The following TTC23 variants were observed in gnomAD, a reference collection of about 807,000 sequenced individuals.
The protein encoded by TTC23 is tetratricopeptide repeat domain 23.
In TTC23, 58 loss-of-function variants were observed where a neutral mutation model predicts 55.1. The ratio of observed to expected loss-of-function variants is 1.05; its 90% confidence interval spans 0.85 to 1.31. TTC23 has a LOEUF of 1.31. TTC23 is among the 50% of genes most tolerant of loss of function. TTC23 has a pLI of 0.00. For missense variants in TTC23, 516 were observed against 534.4 expected (o/e 0.97, Z 0.34); for synonymous variants, 203 against 199.9 (o/e 1.02, Z -0.13).
intron 9 of TTC23, among the ~76,000 whole-genome samples, chr15:99,193,077 C>G (rs1415035068): frequency 6.6e-6 from 1 of 152,226 alleles, no homozygotes; most frequent in Non-Finnish European, 1.5e-5. Context: ...TACCTAATAC[C>G]TGTACCCACT....
At chr15:99,190,456 A>G (rs1296298895) in intron 9 of TTC23, among the ~76,000 whole-genome samples, 2 of 152,038 alleles carry the variant, frequency 1.3e-5, no homozygotes, top group Non-Finnish European at 2.9e-5. Flanking sequence ...TGTTCTTATA[A>G]AACATACACT....
intron 5 of TTC23, among the ~76,000 whole-genome samples, chr15:99,224,030 C>G (rs986527340): frequency 8.5e-5 from 13 of 152,212 alleles, no homozygotes; most frequent in African/African-American, 1.9e-4. Flanking sequence ...GCTTGCATTT[C>G]CACACAATTC....
At chr15:99,203,929 A>G (rs1404605158) in intron 8 of TTC23, among the ~76,000 whole-genome samples, 2 of 152,098 alleles carry the variant, frequency 1.3e-5, no homozygotes, top group Non-Finnish European at 2.9e-5. Flanking sequence ...TAGGTTGGCC[A>G]TTGTGAATAG....
chr15:99,155,807 A>T, intron 12 of TTC23: 1 of 347,240 alleles, frequency 2.9e-6, no homozygotes, highest in South Asian at 1.1e-4. Context: ...AAATTTAAAG[A>T]AGAATGACAA....
intron 10 of TTC23, among the ~76,000 whole-genome samples, chr15:99,168,139 G>C (rs1417976977): frequency 6.6e-6 from 1 of 152,220 alleles, no homozygotes; most frequent in African/African-American, 2.4e-5. Context: ...CAGTGCCATA[G>C]ACAGGGGCCT....
At chr15:99,172,479 T>C (rs1000705008) in intron 10 of TTC23, among the ~76,000 whole-genome samples, 2 of 152,198 alleles carry the variant, frequency 1.3e-5, no homozygotes, top group African/African-American at 4.8e-5. Context: ...ACAGATTCTT[T>C]TGGTGGGCCT....
At chr15:99,175,722 C>T (rs1231585638) in intron 9 of TTC23, among the ~76,000 whole-genome samples, 2 of 152,214 alleles carry the variant, frequency 1.3e-5, no homozygotes, top group Non-Finnish European at 2.9e-5. Context: ...TGCCCAGGCG[C>T]GGTGGCTCAT....
At chr15:99,181,696 G>C (rs1222036719) in intron 9 of TTC23, among the ~76,000 whole-genome samples, 2 of 152,128 alleles carry the variant, frequency 1.3e-5, no homozygotes, top group Admixed American at 1.3e-4. Context: ...TCCCATCTCT[G>C]CCCAGCAGGG....
At chr15:99,138,305 C>A (rs1411664991) in intron 13 of TTC23, among the ~76,000 whole-genome samples, 178 bp from the exon 14 acceptor site, 2 of 151,906 alleles carry the variant, frequency 1.3e-5, no homozygotes, top group African/African-American at 4.8e-5. Flanking sequence ...TTCCTCCCAT[C>A]TTTTATTTTT....
chr15:99,156,024 G>A (rs991636505), intron 12 of TTC23, 124 bp downstream of exon 12: 2 of 1,329,292 alleles, frequency 1.5e-6, no homozygotes, highest in Non-Finnish European at 2.1e-6. Context: ...CAAAAGTGAT[G>A]TCATCCTATC....
chr15:99,219,545 C>T (rs2077741279), intron 6 of TTC23, among the ~76,000 whole-genome samples: 1 of 152,064 alleles, frequency 6.6e-6, no homozygotes, highest in African/African-American at 2.4e-5. Context: ...CAAAAACTTA[C>T]AAACACAATT....
chr15:99,250,352 TTTATTTAATA>T (rs1359355069), upstream of TTC23, among the ~76,000 whole-genome samples: 2 of 152,234 alleles, frequency 1.3e-5, no homozygotes, highest in African/African-American at 4.8e-5. Context: ...ACCAATGTTT[TTTATTTAATA>T]TAACTCTGCT....
chr15:99,247,593 G>T (rs930420915), intron 1 of TTC23, among the ~76,000 whole-genome samples: 4 of 152,126 alleles, frequency 2.6e-5, no homozygotes, highest in Non-Finnish European at 5.9e-5. Context: ...CTAAGTAAAA[G>T]AAACTAGATG....
intron 12 of TTC23, among the ~76,000 whole-genome samples, chr15:99,148,975 T>G (rs2069335907): frequency 6.6e-6 from 1 of 152,198 alleles, no homozygotes; most frequent in African/African-American, 2.4e-5. Context: ...GACCATTCAG[T>G]GCAGGAGGGT....
At chr15:99,230,011 T>G (rs2078804305) in intron 4 of TTC23, among the ~76,000 whole-genome samples, 4 of 152,084 alleles carry the variant, frequency 2.6e-5, no homozygotes, top group South Asian at 4.1e-4. Context: ...GAGGTAAAAT[T>G]CACAAAGTCT....
In TTC23 at chr15:99,218,012, G is replaced by A. The variant is rs543297093; in HGVS notation, c.581+576C>T. On this transcript the variant is annotated intron_variant, in intron 8 of 13. Coordinates refer to ENST00000394132, the MANE Select transcript of TTC23 (RefSeq NM_001288615.3). Reference sequence around the variant, plus strand: ...GCACAAGTCCATCTTTCCAAAGAGTGTGGACAAACTCTGTCACCCCAATAC... The same window carrying A: ...GCACAAGTCCATCTTTCCAAAGAGTATGGACAAACTCTGTCACCCCAATAC... Among the ~76,000 whole-genome samples the A allele has an allele frequency of 1.3e-3, 203 of 152,342 alleles. 1 individual carries two copies. The highest frequency in any genetic ancestry group is 1.9e-3 in the Non-Finnish European group (131 of 68,042).
chr15:99,144,769 TAAAG>T (rs1369997596), intron 12 of TTC23: 1 of 152,286 alleles, frequency 6.6e-6, no homozygotes, highest in Non-Finnish European at 1.5e-5. Flanking sequence ...ATGAAAAAGC[TAAAG>T]AAAGGTAAAT....
rs1244466245 is a variant in TTC23, at chr15:99,156,140, A to C, written c.1143+8T>G. On this transcript the variant is annotated splice_region_variant and intron_variant, in intron 12 of 13. Transcript: ENST00000394132. ...CTAGTCTCGTGTTAGTACTGGTTCC[A>C]GCTTTACCTTCTTCAGTTTCTTGCG... 1.2e-6 allele frequency: 2 copies of C among 1,614,094 alleles called. No individual in the cohort carries two copies. Among genetic ancestry groups the C allele is most frequent in the Non-Finnish European group, 1.7e-6 (2 of 1,180,036 alleles).
intron 1 of TTC23, among the ~76,000 whole-genome samples, chr15:99,247,761 T>A (rs1458881709): frequency 6.6e-6 from 1 of 151,368 alleles, no homozygotes; most frequent in Non-Finnish European, 1.5e-5. Flanking sequence ...TTTTCTAAAT[T>A]TTCTAGGATG....
Sources: allele counts gnomAD v4.1 joint callset (sites outside exome capture counted in the v4.1 genomes callset), GRCh38; gene constraint gnomAD v4.1.1; transcripts MANE v1.5; gene names NCBI Gene and HGNC (gene_info 2026-07-23, HGNC 2026-07-21).